Variants in ZRANB3 observed in about 807,000 individuals in gnomAD.
ZRANB3 encodes DNA annealing helicase and endonuclease ZRANB3.
A neutral mutation model predicts 133.8 loss-of-function variants in ZRANB3; 125 were observed. The ratio of observed to expected loss-of-function variants is 0.93; its 90% CI spans 0.81 to 1.08. ZRANB3 has a LOEUF of 1.08. ZRANB3 is among the 50% of genes least tolerant of loss of function. ZRANB3 has a pLI of 0.00. For missense variants in ZRANB3, 1,229 were observed against 1,275.5 expected (o/e 0.96, Z 0.56); for synonymous variants, 387 against 432.7 (o/e 0.89, Z 1.31).
intron 15 of ZRANB3, among the ~76,000 whole-genome samples, chr2:135,221,244 T>C (rs1235140836): frequency 6.6e-6 from 1 of 152,168 alleles, no homozygotes; most frequent in African/African-American, 2.4e-5. Context: ...CTCATCTGCT[T>C]AGTGTCTTGT....
intron 2 of ZRANB3, among the ~76,000 whole-genome samples, chr2:135,392,356 G>GC (rs1687276557): frequency 1.4e-5 from 1 of 73,326 alleles, no homozygotes; most frequent in Non-Finnish European, 2.5e-5. Flanking sequence ...AAAAAAAAAA[G>GC]GGGGGGGGGG....
At chr2:135,511,459 T>C in intron 1 of ZRANB3, 2 of 835,364 alleles carry the variant, frequency 2.4e-6, no homozygotes, top group Non-Finnish European at 4.2e-6. Flanking sequence ...ACCTGAGGTG[T>C]TTGCTGTCTT....
intron 6 of ZRANB3, among the ~76,000 whole-genome samples, chr2:135,322,351 TTTCTACAAAATCTTGGGTTTGATTG>T (rs1284691999): frequency 2.6e-5 from 4 of 152,194 alleles, no homozygotes; most frequent in Non-Finnish European, 5.9e-5. Context: ...AAAATGTCAA[TTTCTACAAAATCTTGGGTTTGATTG>T]TTATTGCACA....
At chr2:135,449,157 T>C (rs1690154819) in intron 2 of ZRANB3, among the ~76,000 whole-genome samples, 1 of 152,250 alleles carries the variant, frequency 6.6e-6, no homozygotes, top group Admixed American at 6.5e-5. Context: ...AATGAGGGTG[T>C]CCATAGCACC....
At chr2:135,285,072 C>T (rs1312135034) in intron 8 of ZRANB3, among the ~76,000 whole-genome samples, 10 of 151,600 alleles carry the variant, frequency 6.6e-5, no homozygotes, top group African/African-American at 2.2e-4. Context: ...CTCGAACTCC[C>T]GGCCTCAGGT....
intron 5 of ZRANB3, among the ~76,000 whole-genome samples, chr2:135,348,465 G>C (rs1028826591): frequency 6.6e-6 from 1 of 152,126 alleles, no homozygotes; most frequent in African/African-American, 2.4e-5. Flanking sequence ...AGAGTGAAAA[G>C]TACTGACATG....
intron 2 of ZRANB3, among the ~76,000 whole-genome samples, chr2:135,427,202 A>T (rs573425205): frequency 5.7e-4 from 86 of 151,976 alleles, no homozygotes; most frequent in African/African-American, 1.9e-3. Flanking sequence ...TAATACTAGA[A>T]GTCCTCGCCA....
intron 2 of ZRANB3, among the ~76,000 whole-genome samples, chr2:135,397,528 A>C (rs1401844063): frequency 6.6e-6 from 1 of 152,148 alleles, no homozygotes; most frequent in Non-Finnish European, 1.5e-5. Flanking sequence ...TGAAGAAATA[A>C]GGAAGATTTC....
intron 3 of ZRANB3, among the ~76,000 whole-genome samples, chr2:135,380,920 A>G (rs1354255843): frequency 2.6e-5 from 4 of 152,194 alleles, no homozygotes; most frequent in East Asian, 3.9e-4. Flanking sequence ...AGCCCCTAGC[A>G]TGAGCGACGC....
rs778558326 is a variant in ZRANB3, at chr2:135,199,081, G to A, written c.*1261C>T. The A allele has an allele frequency of 3.2e-4, 49 of 151,996 alleles. 1 individual carries two copies. Among genetic ancestry groups the A allele is most frequent in the Admixed American group, 9.8e-4 (15 of 15,248 alleles). 9.4% of individuals were successfully genotyped at this position (151,996 alleles called of 1,614,324 possible). ...GACTAGGCCCTGGGTTTGTTTCATCGTCACTCTTATTTTATGTCAATTACA... is the reference window on the plus strand; with the variant it reads ...GACTAGGCCCTGGGTTTGTTTCATCATCACTCTTATTTTATGTCAATTACA... On this transcript the variant is annotated 3_prime_UTR_variant, in exon 21 of 21. Transcript: ENST00000264159.
At chr2:135,471,230 A>G (rs1183361718) in intron 2 of ZRANB3, among the ~76,000 whole-genome samples, 1 of 152,082 alleles carries the variant, frequency 6.6e-6, no homozygotes. Context: ...GAAAGTGTAC[A>G]TATTGGCTTT....
chr2:135,213,471 A>G (rs1297707149), intron 17 of ZRANB3, among the ~76,000 whole-genome samples: 2 of 152,220 alleles, frequency 1.3e-5, no homozygotes, highest in Non-Finnish European at 2.9e-5. Context: ...AGCAAGAATC[A>G]GAATGCTTCC....
chr2:135,405,775 C>T (rs1043641094), intron 2 of ZRANB3, among the ~76,000 whole-genome samples: 3 of 152,060 alleles, frequency 2.0e-5, no homozygotes, highest in African/African-American at 7.2e-5. Flanking sequence ...AAACCAACGA[C>T]AACAAAGACA....
At chr2:135,308,973 A>G (rs1360988097) in intron 8 of ZRANB3, among the ~76,000 whole-genome samples, 1 of 149,702 alleles carries the variant, frequency 6.7e-6, no homozygotes, top group African/African-American at 2.5e-5. Flanking sequence ...AAACTTAGTA[A>G]TAACATCATT....
intron 2 of ZRANB3, among the ~76,000 whole-genome samples, chr2:135,490,642 G>C (rs1692328997): frequency 6.6e-6 from 1 of 152,158 alleles, no homozygotes; most frequent in African/African-American, 2.4e-5. Flanking sequence ...TTCCACTACT[G>C]GGTATATATC....
At chr2:135,446,323 T>C (rs1315287159) in intron 2 of ZRANB3, among the ~76,000 whole-genome samples, 1 of 152,018 alleles carries the variant, frequency 6.6e-6, no homozygotes, top group African/African-American at 2.4e-5. Context: ...TGAGTAGATA[T>C]AGAGAGCTTA....
intron 2 of ZRANB3, among the ~76,000 whole-genome samples, chr2:135,426,937 C>T (rs1329704049): frequency 9.5e-6 from 1 of 104,838 alleles, no homozygotes; most frequent in Non-Finnish European, 1.9e-5. Flanking sequence ...TATGATTCAC[C>T]ACATCAACGG....
chr2:135,208,928 T>A lies in ZRANB3; in HGVS notation c.2546A>T (p.Asn849Ile). Residue 849 changes from asparagine (N) to isoleucine (I), a missense_variant, in exon 18 of 21, where the codon AAT becomes ATT. Physicochemically the swap from Asn to Ile is moderately radical, Grantham distance 149 (BLOSUM62 -3). Coordinates refer to ENST00000264159, the MANE Select transcript of ZRANB3 (RefSeq NM_032143.4). ...VAVASMDKVKNVGGHVRLITK... is the reference protein window; with the variant it reads ...VAVASMDKVKIVGGHVRLITK... The stretch of plus-strand genomic sequence containing the variant: ...GATCAGACGGACATGGCCCCCAACA[T>A]TCTTCACTTTGTCCATTGAGGCTAC... 1 of 1,613,990 alleles carries A rather than the reference T, an allele frequency of 6.2e-7. No individual in the cohort carries two copies. The highest frequency in any genetic ancestry group is 8.5e-7 in the Non-Finnish European group (1 of 1,179,876).
intron 19 of ZRANB3, among the ~76,000 whole-genome samples, chr2:135,206,285 G>A (rs1379435117): frequency 6.6e-6 from 1 of 150,808 alleles, no homozygotes; most frequent in African/African-American, 2.4e-5. Flanking sequence ...TGTTGCCCAA[G>A]CTGGAGTGCA....
Sources: gnomAD v4.1 joint callset for allele counts (sites outside exome capture counted in the v4.1 genomes callset) on GRCh38, gnomAD v4.1.1 for gene constraint, MANE v1.5 for transcripts, NCBI Gene and HGNC (gene_info 2026-07-23, HGNC 2026-07-21) for gene names.